MGAT4C: variants seen among roughly 807,000 people sequenced by gnomAD.
The protein encoded by MGAT4C is MGAT4 family member C.
A neutral mutation model predicts 40.1 loss-of-function variants in MGAT4C; 19 were observed. That is an observed-to-expected ratio of 0.47 (90% CI 0.33 to 0.70). MGAT4C has a LOEUF of 0.70. Ranked by LOEUF, MGAT4C falls within the 30% of genes least tolerant of loss-of-function variation. The pLI is 0.02. For synonymous variants in MGAT4C, 181 were observed against 187.1 expected (o/e 0.97, Z 0.27); for missense variants, 491 against 563.2 (o/e 0.87, Z 1.30).
At chr12:86,806,127 T>G (rs1952348201) in intron 1 of MGAT4C, among the ~76,000 whole-genome samples, 1 of 151,928 alleles carries the variant, frequency 6.6e-6, no homozygotes, top group African/African-American at 2.4e-5. Flanking sequence ...TTTTATTCAT[T>G]TTCTTATTTT....
chr12:86,771,817 C>T (rs1366357391), intron 1 of MGAT4C, among the ~76,000 whole-genome samples: 2 of 151,744 alleles, frequency 1.3e-5, no homozygotes, highest in Non-Finnish European at 2.9e-5. Context: ...GGAGGAAAAA[C>T]GACCTTTGTT....
chr12:86,753,516 A>T (rs1157058500), intron 1 of MGAT4C, among the ~76,000 whole-genome samples: 1 of 151,998 alleles, frequency 6.6e-6, no homozygotes, highest in Non-Finnish European at 1.5e-5. Context: ...ACACCTCTGT[A>T]TTTCTGTGTG....
At chr12:86,173,417 T>A (rs1233086559) in intron 1 of MGAT4C, among the ~76,000 whole-genome samples, 1 of 152,130 alleles carries the variant, frequency 6.6e-6, no homozygotes, top group Non-Finnish European at 1.5e-5. Context: ...GGAATGCCCA[T>A]AATAGAACAA....
chr12:86,306,692 G>C (rs1040048371), intron 4 of MGAT4C, among the ~76,000 whole-genome samples: 4 of 150,390 alleles, frequency 2.7e-5, no homozygotes, highest in Admixed American at 6.6e-5. Flanking sequence ...ATTTTATTCT[G>C]TGGAAGTTTA....
rs555675436 is a variant in MGAT4C at position 86,570,369 on chromosome 12, G to A, written c.-228-135104C>T. 7.2e-5 allele frequency among the ~76,000 whole-genome samples: 11 copies of A among 152,170 alleles called. No individual in the cohort carries two copies. The East Asian group carries it at 2.1e-3, about 29-fold the overall frequency. On this transcript the variant is annotated intron_variant, in intron 2 of 7. Transcript: ENST00000548651. The stretch of plus-strand genomic sequence containing the variant: ...GTATTTTAGACATTCAGAAAGGTAT[G>A]AGAGTCTCAAATCCTTTTAGATTCA...
intron 2 of MGAT4C, among the ~76,000 whole-genome samples, chr12:86,655,145 T>C (rs1963811720): frequency 6.6e-6 from 1 of 151,982 alleles, no homozygotes; most frequent in Non-Finnish European, 1.5e-5. Context: ...CATCAGCTAG[T>C]CATTTACATT....
At chr12:86,593,485 C>T (rs1371897189) in intron 2 of MGAT4C, among the ~76,000 whole-genome samples, 2 of 152,014 alleles carry the variant, frequency 1.3e-5, no homozygotes, top group African/African-American at 4.8e-5. Context: ...TGAGATCCTT[C>T]TTTTTCAATA....
intron 4 of MGAT4C, among the ~76,000 whole-genome samples, chr12:86,314,804 T>C (rs1017869493): frequency 2.0e-5 from 3 of 152,166 alleles, no homozygotes; most frequent in African/African-American, 7.2e-5. Context: ...GTGAAAGATC[T>C]CTACATGGAG....
At chr12:86,782,275 G>A (rs1285174764) in intron 1 of MGAT4C, among the ~76,000 whole-genome samples, 1 of 130,486 alleles carries the variant, frequency 7.7e-6, no homozygotes, top group Non-Finnish European at 1.6e-5. Flanking sequence ...TCCGCCTCCC[G>A]GGTTCACGCC....
intron 1 of MGAT4C, among the ~76,000 whole-genome samples, chr12:86,109,942 G>A (rs1307268573): frequency 1.3e-5 from 2 of 151,816 alleles, no homozygotes; most frequent in East Asian, 2.0e-4. Flanking sequence ...AAAAAACTTC[G>A]TGGGAAAGGT....
intron 2 of MGAT4C, among the ~76,000 whole-genome samples, chr12:86,551,319 A>G (rs368928312): frequency 1.3e-5 from 2 of 152,204 alleles, no homozygotes; most frequent in South Asian, 2.1e-4. Context: ...CACATAGCCA[A>G]GGCAGCCAAG....
At chr12:86,116,658 G>A (rs1878476950) in intron 1 of MGAT4C, among the ~76,000 whole-genome samples, 1 of 152,194 alleles carries the variant, frequency 6.6e-6, no homozygotes, top group East Asian at 1.9e-4. Flanking sequence ...CAGTATTGGA[G>A]TGAATTACCT....
At position 85,956,780 on chromosome 12, in the gene MGAT4C, A is replaced by C. The variant is rs1882817746; in HGVS notation, c.*22509T>G. 1.3e-5 allele frequency: 2 copies of C among 152,166 alleles called. No homozygotes were observed. The highest frequency in any genetic ancestry group is 4.8e-5 in the African/African-American group (2 of 41,466). 9.4% of individuals were successfully genotyped at this position (152,166 alleles called of 1,614,324 possible). On this transcript the variant is annotated 3_prime_UTR_variant, in exon 5 of 5. Transcript: ENST00000611864. ...TGAAACAATATCAAAGACTAGAGAAACATAATTTATGACATGAGATTGAAG... is the reference window on the plus strand; with the variant it reads ...TGAAACAATATCAAAGACTAGAGAACCATAATTTATGACATGAGATTGAAG...
At chr12:86,630,940 A>G (rs1358450351) in intron 2 of MGAT4C, among the ~76,000 whole-genome samples, 2 of 152,174 alleles carry the variant, frequency 1.3e-5, no homozygotes, top group East Asian at 1.9e-4. Context: ...AGCGTATTCA[A>G]TTAGGAAAAG....
chr12:86,719,427 G>T lies in MGAT4C; in HGVS notation c.-229+7782C>A, dbSNP rs182114299. Among the ~76,000 whole-genome samples the T allele has an allele frequency of 1.1e-4, 16 of 152,242 alleles. No individual in the cohort carries two copies. In the East Asian group the frequency reaches 2.9e-3, roughly 28 times the overall value. The stretch of plus-strand genomic sequence containing the variant: ...GCCCACCATATAGCTAACATACAAT[G>T]ATGGCTCACATATAGAAGAACTGAT... On this transcript the variant is annotated intron_variant, in intron 2 of 7. Coordinates refer to the MGAT4C transcript ENST00000548651.
chr12:86,297,185 A>C (rs1953703089), intron 4 of MGAT4C, among the ~76,000 whole-genome samples: 1 of 152,196 alleles, frequency 6.6e-6, no homozygotes, highest in Non-Finnish European at 1.5e-5. Flanking sequence ...TGACAAGGTG[A>C]CTTAGGCTTT....
At chr12:86,014,139 C>T (rs1331709423) in intron 2 of MGAT4C, among the ~76,000 whole-genome samples, 1 of 152,146 alleles carries the variant, frequency 6.6e-6, no homozygotes, top group East Asian at 1.9e-4. Context: ...GCCAAACCCT[C>T]TTTTCCTCAA....
intron 3 of MGAT4C, among the ~76,000 whole-genome samples, chr12:86,356,247 G>T: frequency 6.6e-6 from 1 of 151,914 alleles, no homozygotes; most frequent in East Asian, 1.9e-4. Context: ...ACTACCAACG[G>T]CAACAAAAAG....
intron 2 of MGAT4C, among the ~76,000 whole-genome samples, chr12:86,509,346 G>T (rs1375240793): frequency 6.6e-6 from 1 of 152,028 alleles, no homozygotes; most frequent in Non-Finnish European, 1.5e-5. Context: ...GTTTTTCTCA[G>T]GTTTGTCAAA....
Sources: gnomAD v4.1 joint callset for allele counts (sites outside exome capture counted in the v4.1 genomes callset) on GRCh38, gnomAD v4.1.1 for gene constraint, MANE v1.5 for transcripts, NCBI Gene and HGNC (gene_info 2026-07-23, HGNC 2026-07-21) for gene names.